The following CABP5 variants were observed in gnomAD, a reference collection of about 807,000 sequenced individuals.
CABP5 encodes the protein calcium binding protein 5.
CABP5 carries 17 observed loss-of-function variants against 21.9 expected under a neutral mutation model. The observed-to-expected ratio is 0.78, with a 90% CI of 0.53 to 1.17. The LOEUF is 1.17. Ranked by LOEUF, CABP5 falls within the 50% of genes most tolerant of loss-of-function variation. CABP5 has a pLI of 0.00. For synonymous variants in CABP5, 85 were observed against 79.4 expected, an observed-to-expected ratio of 1.07 and a Z score of -0.37; for missense variants, 229 against 228.9, an observed-to-expected ratio of 1.00 and a Z score of 0.00.
At chr19:48,040,830 TCCAA>T in intron 2 of CABP5, 82 bp from the exon 3 acceptor site, 3 of 1,399,754 alleles carry the variant, frequency 2.1e-6, no homozygotes, top group Non-Finnish European at 3.0e-6. Flanking sequence ...TCAATGAGGC[TCCAA>T]CTAGAGACTC....
rs1555737196 is a variant in CABP5 at position 48,029,798 on chromosome 19, C to CAGACAGAGAGAGAGAGAG, written c.*758_*759insCTCTCTCTCTCTCTGTCT. On this transcript the variant is annotated 3_prime_UTR_variant, in exon 6 of 6. Coordinates refer to ENST00000293255, the MANE Select transcript of CABP5 (RefSeq NM_019855.5). Reference sequence around the variant, plus strand: ...GGGAGGGGAGACAGAGACAGACAGACAGAGAGAGAGAGAGAGAGAGAGAGA... The same window carrying CAGACAGAGAGAGAGAGAG: ...GGGAGGGGAGACAGAGACAGACAGACAGACAGAGAGAGAGAGAGAGAGAGAGAGAGAGAGAGAGAGAGA... Among the ~76,000 whole-genome samples, 1 of 120,150 alleles carries CAGACAGAGAGAGAGAGAG rather than the reference C, an allele frequency of 8.3e-6. No individual in the cohort carries two copies. The highest frequency in any genetic ancestry group is 1.7e-5 in the Non-Finnish European group (1 of 57,974). The allele number at this position is 120,150 out of a possible 152,430, so 78.8% of individuals were successfully genotyped here.
chr19:48,040,590 A>G lies in CABP5; in HGVS notation c.238+15T>C. ...TTCCCTAACCCCGGCCATCCCTCCC[A>G]TTCCCTGGACTCACGGTTCATGCGG... On this transcript the variant is annotated intron_variant, in intron 3 of 5. Coordinates refer to ENST00000293255, the MANE Select transcript of CABP5 (RefSeq NM_019855.5). 1.2e-6 allele frequency: 2 copies of G among 1,613,410 alleles called. No homozygotes were observed. The highest frequency in any genetic ancestry group is 2.2e-5 in the South Asian group (2 of 91,008).
At position 48,044,073 on chromosome 19, in the gene CABP5, G is replaced by A. The variant is rs897707436; in HGVS notation, c.-151C>T. 1 of 597,958 alleles carries A rather than the reference G, an allele frequency of 1.7e-6. No individual in the cohort carries two copies. Among genetic ancestry groups the A allele is most frequent in the South Asian group, 2.9e-5 (1 of 34,574 alleles). 37.0% of individuals were successfully genotyped at this position (597,958 alleles called of 1,614,324 possible). A position where few individuals can be genotyped will look rare whatever the true frequency, so the allele number is the denominator to read the frequency against. On this transcript the variant is annotated 5_prime_UTR_variant, in exon 1 of 6. Coordinates refer to ENST00000293255, the MANE Select transcript of CABP5 (RefSeq NM_019855.5). ...CTTCTCCTTCGGTCCCGGTGTCTTA[G>A]AGCTGTGACAGCTGGGCTGGAAATC...
At chr19:48,038,741 G>T (rs1048842484) in intron 4 of CABP5, among the ~76,000 whole-genome samples, 4 of 152,046 alleles carry the variant, frequency 2.6e-5, no homozygotes, top group Non-Finnish European at 4.4e-5. Flanking sequence ...ACAGGAGACT[G>T]GCTTGAACCC....
intron 4 of CABP5, 116 bp downstream of exon 4, chr19:48,039,092 G>GAA (rs5828329): frequency 2.8e-6 from 2 of 719,208 alleles, no homozygotes; most frequent in Admixed American, 2.5e-5. Context: ...ACCATGGCTG[G>GAA]AAAAAAAAAG....
intron 3 of CABP5, among the ~76,000 whole-genome samples, chr19:48,040,199 A>G (rs1341703237): frequency 1.3e-5 from 2 of 152,160 alleles, no homozygotes; most frequent in Non-Finnish European, 2.9e-5. Flanking sequence ...GGTGATAGTA[A>G]TAACTACCTT....
Position 48,039,257 on chromosome 19 carries a change from T to C in CABP5, c.299A>G (p.Glu100Gly). The change falls in exon 4 of 6, where the codon GAA (glutamate) becomes GGA (glycine). Residue 100 changes from glutamate (E) to glycine (G), a missense_variant. By Grantham distance (98) the Glu-to-Gly change is moderately conservative. Coordinates refer to ENST00000293255, the MANE Select transcript of CABP5 (RefSeq NM_019855.5). ...VELMTPKLLA[E>G]TAGMIGVQEM... ...CTGGACACCGATCATCCCAGCTGTT[T>C]CTGCAAGCAATTTGGGGGTCATCAG... 1 of 1,614,110 alleles carries C rather than the reference T, an allele frequency of 6.2e-7. No individual in the cohort carries two copies. The highest frequency in any genetic ancestry group is 1.7e-5 in the Admixed American group (1 of 60,002).
intron 4 of CABP5, among the ~76,000 whole-genome samples, chr19:48,037,285 T>TTTTTTTTTTGG (rs1967422079): frequency 7.6e-6 from 1 of 131,578 alleles, no homozygotes; most frequent in Non-Finnish European, 1.6e-5. Context: ...TTTTTTTTTT[T>TTTTTTTTTTGG]GAGGTGGAGT....
In CABP5 at chr19:48,040,660, A is replaced by G; in HGVS notation, c.183T>C (p.Gly61=). ...KDLGNLMRTM[G]YMPTEMELIE... is the part of the protein sequence containing the mutation. ...TCAGTTCCATCTCCGTGGGCATGTA[A>G]CCCATCGTCCTCATGAGATTCCCCA... is the stretch of plus-strand genomic sequence containing the variant. The change falls in exon 3 of 6, where the codon GGT becomes GGC. Residue 61 remains glycine, a synonymous_variant. Transcript: ENST00000293255. The G allele has an allele frequency of 6.2e-7, 1 of 1,613,826 alleles. No homozygotes were observed. The highest frequency in any genetic ancestry group is 8.5e-7 in the Non-Finnish European group (1 of 1,179,920).
At chr19:48,031,329 CAA>C (rs1334975544) in intron 5 of CABP5, among the ~76,000 whole-genome samples, 6 of 152,068 alleles carry the variant, frequency 3.9e-5, no homozygotes, top group Non-Finnish European at 8.8e-5. Context: ...CACTTGAGGT[CAA>C]GAGTTTGAGA....
In CABP5 at chr19:48,030,653, C is replaced by T. The variant is rs1967329453; in HGVS notation, c.497-71G>A. On this transcript the variant is annotated intron_variant, in intron 5 of 5. Coordinates refer to ENST00000293255, the MANE Select transcript of CABP5 (RefSeq NM_019855.5). ...AGCCCCCAACATTATTTTTTGAGCC[C>T]TTCCTATGTGGCAGGCACTGCTGGT... 3.4e-6 allele frequency: 5 copies of T among 1,490,558 alleles called. No individual in the cohort carries two copies. The African/African-American group carries it at 4.2e-5, about 12-fold the overall frequency. The allele number at this position is 1,490,558 out of a possible 1,614,324, so 92.3% of individuals were successfully genotyped here.
intron 2 of CABP5, 116 bp from the exon 3 acceptor site, chr19:48,040,864 G>GAAATA: frequency 1.2e-6 from 1 of 835,080 alleles, no homozygotes; most frequent in Non-Finnish European, 1.8e-6. Context: ...GCGTACATTA[G>GAAATA]AAACAAAACA....
In CABP5 at chr19:48,034,846, G is replaced by A. The variant is rs540848892; in HGVS notation, c.349-484C>T. ...CAGGCTTGAGCCACTGTGCCCGGCC[G>A]AAACTTTTTTTTAATGAGACGGGGT... is the stretch of plus-strand genomic sequence containing the variant. On this transcript the variant is annotated intron_variant, in intron 4 of 5. Coordinates refer to ENST00000293255, the MANE Select transcript of CABP5 (RefSeq NM_019855.5). Among the ~76,000 whole-genome samples the A allele has an allele frequency of 2.2e-3, 331 of 151,952 alleles. 4 individuals are homozygous for A. The highest frequency in any genetic ancestry group is 7.6e-3 in the African/African-American group (314 of 41,478).
Position 48,039,218 on chromosome 19 carries a change from G to C in CABP5, c.338C>G (p.Ala113Gly), listed in dbSNP as rs374822522. 73 of 1,612,996 alleles carry C rather than the reference G, an allele frequency of 4.5e-5. No individual in the cohort carries two copies. Among genetic ancestry groups the C allele is most frequent in the Non-Finnish European group, 5.8e-5 (68 of 1,179,218 alleles). Residue 113 changes from alanine to glycine, a missense_variant, in exon 4 of 6, where the codon GCC becomes GGC. By Grantham distance (60) the Ala-to-Gly change is moderately conservative (BLOSUM62 0). Coordinates refer to ENST00000293255, the MANE Select transcript of CABP5 (RefSeq NM_019855.5). ...GMIGVQEMRD[A>G]FKEFDTNGDG... Reference sequence around the variant, plus strand: ...ACACTGTTAACTCACCTCCTTGAAGGCATCCCGCATCTCCTGGACACCGAT... The same window carrying C: ...ACACTGTTAACTCACCTCCTTGAAGCCATCCCGCATCTCCTGGACACCGAT...
At chr19:48,042,805 C>T (rs940771441) in intron 1 of CABP5, among the ~76,000 whole-genome samples, 1 of 152,054 alleles carries the variant, frequency 6.6e-6, no homozygotes, top group Admixed American at 6.5e-5. Flanking sequence ...GACCTCCTGA[C>T]CTCGTGATCC....
In CABP5 at chr19:48,030,418, C is replaced by A. The variant is rs562861436; in HGVS notation, c.*139G>T. 1.0e-5 allele frequency: 8 copies of A among 770,082 alleles called. No individual in the cohort carries two copies. The highest frequency in any genetic ancestry group is 8.4e-5 in the Admixed American group (3 of 35,920). 47.7% of individuals were successfully genotyped at this position (770,082 alleles called of 1,614,324 possible). The stretch of plus-strand genomic sequence containing the variant: ...GCTCTGGGTCTCACCCCATGCACAG[C>A]GCCGCATGCCAATGCCCTCCCTCCC... On this transcript the variant is annotated 3_prime_UTR_variant, in exon 6 of 6. Transcript: ENST00000293255.
chr19:48,036,010 A>T (rs576491311), intron 4 of CABP5, among the ~76,000 whole-genome samples: 4 of 152,266 alleles, frequency 2.6e-5, no homozygotes, highest in Non-Finnish European at 5.9e-5. Context: ...AACCAATTAG[A>T]GGGCCGCCAT....
chr19:48,034,497 G>A (rs1487967762), intron 4 of CABP5, 135 bp from the exon 5 acceptor site: 9 of 500,972 alleles, frequency 1.8e-5, no homozygotes, highest in Non-Finnish European at 2.6e-5. Context: ...TAGAACGTCA[G>A]CTCCAAAAGA....
At chr19:48,030,635 A>G (rs1441102975) in intron 5 of CABP5, 53 bp from the exon 6 acceptor site, 7 of 1,590,620 alleles carry the variant, frequency 4.4e-6, no homozygotes, top group African/African-American at 1.4e-5. Flanking sequence ...AAAAGCCCCC[A>G]ACATTATTTT....
Sources: gnomAD v4.1 joint callset for allele counts (sites outside exome capture counted in the v4.1 genomes callset) on GRCh38, gnomAD v4.1.1 for gene constraint, MANE v1.5 for transcripts, NCBI Gene and HGNC (gene_info 2026-07-23, HGNC 2026-07-21) for gene names.